Variants in TBC1D22A observed in about 807,000 individuals in gnomAD.
TBC1D22A encodes putative GTPase activator.
In TBC1D22A, 38 loss-of-function variants were observed where a neutral mutation model predicts 60.2. That is an observed-to-expected ratio of 0.63 (90% CI 0.49 to 0.83). TBC1D22A has a LOEUF of 0.83. Ranked by LOEUF, TBC1D22A falls within the 40% of genes least tolerant of loss-of-function variation. The pLI is 0.00. For missense variants in TBC1D22A, 628 were observed against 701.0 expected, an observed-to-expected ratio of 0.90 and a Z score of 1.18; for synonymous variants, 302 against 281.7, an observed-to-expected ratio of 1.07 and a Z score of -0.72.
intron 8 of TBC1D22A, among the ~76,000 whole-genome samples, chr22:46,951,239 T>C (rs2072885405): frequency 6.6e-6 from 1 of 152,240 alleles, no homozygotes; most frequent in Admixed American, 6.5e-5. Context: ...AGTACATGTG[T>C]ATTATTTTTG....
chr22:47,067,271 A>G (rs2063808302), intron 11 of TBC1D22A, among the ~76,000 whole-genome samples: 1 of 152,330 alleles, frequency 6.6e-6, no homozygotes, highest in African/African-American at 2.4e-5. Flanking sequence ...GTCTCAAGAA[A>G]AGCCCCCATT....
chr22:46,957,587 A>C lies in TBC1D22A; in HGVS notation c.1016-16703A>C, dbSNP rs547300265. Among the ~76,000 whole-genome samples, 177 of 152,326 alleles carry C rather than the reference A, an allele frequency of 1.2e-3. 1 individual carries two copies. Among genetic ancestry groups the C allele is most frequent in the South Asian group, 9.7e-3 (47 of 4,824 alleles). On this transcript the variant is annotated intron_variant, in intron 8 of 12. Transcript: ENST00000337137. Reference sequence around the variant, plus strand: ...GAACACGTGGGGATTACAATTGGAGATGAGACTTGGGTGGGGGCACAGAAC... The same window carrying C: ...GAACACGTGGGGATTACAATTGGAGCTGAGACTTGGGTGGGGGCACAGAAC...
chr22:46,820,024 T>G (rs184462824), intron 4 of TBC1D22A, among the ~76,000 whole-genome samples: 1 of 152,368 alleles, frequency 6.6e-6, no homozygotes, highest in Non-Finnish European at 1.5e-5. Flanking sequence ...TTTATTTGCA[T>G]AGAGGTGTTT....
chr22:47,121,799 G>A (rs2066279393), intron 12 of TBC1D22A, among the ~76,000 whole-genome samples: 1 of 152,140 alleles, frequency 6.6e-6, no homozygotes, highest in African/African-American at 2.4e-5. Flanking sequence ...CGTTAAGGAT[G>A]GTTGTGGGGA....
At chr22:46,839,850 G>C (rs2086676465) in intron 4 of TBC1D22A, among the ~76,000 whole-genome samples, 1 of 152,206 alleles carries the variant, frequency 6.6e-6, no homozygotes, top group Admixed American at 6.5e-5. Flanking sequence ...ATAGGGAAAA[G>C]GGTAGTCTTT....
chr22:47,090,904 C>T (rs1293389308), intron 11 of TBC1D22A, among the ~76,000 whole-genome samples: 2 of 78,564 alleles, frequency 2.5e-5, no homozygotes, highest in African/African-American at 1.1e-4. Flanking sequence ...CAGGAGAAGT[C>T]GTCTTTGGGG....
chr22:46,893,317 T>C (rs6009022), intron 6 of TBC1D22A, among the ~76,000 whole-genome samples: 2,142 of 152,290 alleles, frequency 0.014, 64 homozygotes, highest in African/African-American at 0.048. Flanking sequence ...CTTTTTCTGA[T>C]TTGCCCAGTT....
At chr22:47,149,615 C>A (rs556717130) in intron 12 of TBC1D22A, among the ~76,000 whole-genome samples, 1 of 152,356 alleles carries the variant, frequency 6.6e-6, no homozygotes, top group African/African-American at 2.4e-5. Context: ...ACCAGCCCTG[C>A]CCCGGGAGCT....
intron 11 of TBC1D22A, among the ~76,000 whole-genome samples, chr22:47,087,198 A>C (rs1193904589): frequency 1.3e-5 from 2 of 152,276 alleles, no homozygotes; most frequent in African/African-American, 4.8e-5. Flanking sequence ...CTTATATTAC[A>C]AACCAAACAA....
chr22:46,767,690 A>G (rs1050037700), intron 1 of TBC1D22A, among the ~76,000 whole-genome samples: 8 of 152,126 alleles, frequency 5.3e-5, no homozygotes, highest in Non-Finnish European at 2.9e-5. Context: ...GGTGAGAAGG[A>G]GCCCTTCACT....
intron 11 of TBC1D22A, among the ~76,000 whole-genome samples, chr22:47,103,167 G>A (rs978502801): frequency 6.6e-6 from 1 of 152,142 alleles, no homozygotes; most frequent in African/African-American, 2.4e-5. Context: ...GGTGGATTTG[G>A]GGGTGTGTGT....
intron 4 of TBC1D22A, among the ~76,000 whole-genome samples, chr22:46,806,778 A>T (rs801653): frequency 6.6e-6 from 1 of 152,038 alleles, no homozygotes; most frequent in East Asian, 1.9e-4. Flanking sequence ...GGAGCCTGAG[A>T]GGGCGGAGGT....
intron 5 of TBC1D22A, among the ~76,000 whole-genome samples, chr22:46,884,226 A>G (rs1388851755): frequency 6.6e-6 from 1 of 151,494 alleles, no homozygotes; most frequent in Non-Finnish European, 1.5e-5. Context: ...AGGGCCGAGG[A>G]GGGGAAGGGG....
intron 12 of TBC1D22A, among the ~76,000 whole-genome samples, chr22:47,166,396 C>T (rs192527505): frequency 6.6e-6 from 1 of 152,108 alleles, no homozygotes; most frequent in Non-Finnish European, 1.5e-5. Flanking sequence ...TAACCAACAC[C>T]CAAAATACTA....
intron 8 of TBC1D22A, among the ~76,000 whole-genome samples, chr22:46,928,025 G>A (rs1191503591): frequency 2.6e-5 from 4 of 151,972 alleles, no homozygotes; most frequent in African/African-American, 7.3e-5. Flanking sequence ...ATTCAGTGCA[G>A]TCCCTATCAA....
At chr22:46,999,841 T>C (rs1249168055) in intron 10 of TBC1D22A, among the ~76,000 whole-genome samples, 1 of 151,842 alleles carries the variant, frequency 6.6e-6, no homozygotes, top group Admixed American at 6.6e-5. Context: ...CTGGTTAACA[T>C]GGTGAAACCC....
Position 47,028,016 on chromosome 22 carries a change from A to G in TBC1D22A, c.1202-9055A>G, listed in dbSNP as rs1005534719. ...GTCATCTGCATTTTTAAAGGAAGTAAATCAGATTTGTTGTTGCCTTCTCAT... is the reference window on the plus strand; with the variant it reads ...GTCATCTGCATTTTTAAAGGAAGTAGATCAGATTTGTTGTTGCCTTCTCAT... On this transcript the variant is annotated intron_variant, in intron 10 of 12. Coordinates refer to ENST00000337137, the MANE Select transcript of TBC1D22A (RefSeq NM_014346.5). The surrounding 1 kb of genome is among the most constrained non-coding windows in gnomAD (Gnocchi z 4.4). 6.6e-6 allele frequency among the ~76,000 whole-genome samples: 1 copy of G among 152,148 alleles called. No individual in the cohort carries two copies. The highest frequency in any genetic ancestry group is 2.1e-4 in the South Asian group (1 of 4,826).
chr22:46,930,014 G>C (rs571303080), intron 8 of TBC1D22A, among the ~76,000 whole-genome samples: 18 of 152,138 alleles, frequency 1.2e-4, no homozygotes, highest in Non-Finnish European at 2.4e-4. Context: ...GCAAGTCCCT[G>C]ATGTACTTTA....
chr22:46,969,775 G>C (rs937948982), intron 8 of TBC1D22A, among the ~76,000 whole-genome samples: 38 of 152,162 alleles, frequency 2.5e-4, no homozygotes, highest in Admixed American at 2.0e-4. Context: ...TATAGGGGAC[G>C]GGGCTGCCCC....
Sources: allele counts gnomAD v4.1 joint callset (sites outside exome capture counted in the v4.1 genomes callset), GRCh38; gene constraint gnomAD v4.1.1; non-coding constraint Gnocchi (gnomAD v3.1); transcripts MANE v1.5; gene names NCBI Gene and HGNC (gene_info 2026-07-23, HGNC 2026-07-21).